Variants in MYCL observed in about 807,000 individuals in gnomAD.
MYCL encodes MYCL proto-oncogene, bHLH transcription factor.
Under a neutral mutation model 31.0 loss-of-function variants are expected in MYCL, and 11 were observed. The observed-to-expected ratio is 0.35, with a 90% CI of 0.22 to 0.59. The LOEUF is 0.59. Ranked by LOEUF, MYCL falls within the 20% of genes least tolerant of loss-of-function variation. The pLI, the probability that MYCL is intolerant of heterozygous loss-of-function variation, is 0.79. For synonymous variants in MYCL, 208 were observed against 202.4 expected (o/e 1.03, Z -0.23); for missense variants, 427 against 486.1 (o/e 0.88, Z 1.14).
In MYCL at chr1:39,897,365, T is replaced by A; in HGVS notation, c.*7A>T. On this transcript the variant is annotated 3_prime_UTR_variant, in exon 2 of 2. Coordinates refer to ENST00000372816, the MANE Select transcript of MYCL (RefSeq NM_001033081.3). The surrounding 1 kb of genome is among the most constrained non-coding windows in gnomAD (Gnocchi z 4.3). ...CGTAAGACAGAACTGTCAGGCTTTTTGGTCAGTTAGTAGCCAGTGAGGTAT... is the reference window on the plus strand; with the variant it reads ...CGTAAGACAGAACTGTCAGGCTTTTAGGTCAGTTAGTAGCCAGTGAGGTAT... 6.4e-7 allele frequency: 1 copy of A among 1,568,242 alleles called. No homozygotes were observed. Among genetic ancestry groups the A allele is most frequent in the Non-Finnish European group, 8.7e-7 (1 of 1,155,590 alleles).
rs1236361280 is a variant in MYCL at position 39,901,660 on chromosome 1, G to A, written c.-226C>T. On this transcript the variant is annotated 5_prime_UTR_variant, in exon 1 of 2. Coordinates refer to ENST00000372816, the MANE Select transcript of MYCL (RefSeq NM_001033081.3). The surrounding 1 kb of genome is among the most constrained non-coding windows in gnomAD (Gnocchi z 6.9). ...GCGCGGACCCGACTGTGGGCAGCGA[G>A]TTCAAAGCAAACTTTGCCAGCGCCG... 5.3e-6 allele frequency: 7 copies of A among 1,323,862 alleles called. No homozygotes were observed. The highest frequency in any genetic ancestry group is 6.7e-6 in the Non-Finnish European group (7 of 1,044,194). The allele number at this position is 1,323,862 out of a possible 1,614,324, so 82.0% of individuals were successfully genotyped here.
chr1:39,900,693 C>T (rs1359996438), intron 1 of MYCL: 1 of 1,394,306 alleles, frequency 7.2e-7, no homozygotes, highest in Non-Finnish European at 9.3e-7. Flanking sequence ...ACCTCAAATC[C>T]CTTGTCCCCT....
Position 39,901,704 on chromosome 1 carries a change from G to T in MYCL, c.-270C>A. 1 of 1,229,666 alleles carries T rather than the reference G, an allele frequency of 8.1e-7. No homozygotes were observed. The highest frequency in any genetic ancestry group is 4.4e-5 in the Admixed American group (1 of 22,736). The allele number at this position is 1,229,666 out of a possible 1,614,324, so 76.2% of individuals were successfully genotyped here. On this transcript the variant is annotated 5_prime_UTR_variant, in exon 1 of 2. In the 5' UTR this introduces an upstream ATG that the reference lacks. Coordinates refer to ENST00000372816, the MANE Select transcript of MYCL (RefSeq NM_001033081.3). This position sits in a 1 kb window ranked among gnomAD's most constrained non-coding sequence, Gnocchi z 6.9. ...AGCGCCGCCCGGAGCGCAGCTCCCA[G>T]GGCCCGGCGGGGCCGGGCGGGGGCG... is the stretch of plus-strand genomic sequence containing the variant.
chr1:39,901,426 G>A lies in MYCL; in HGVS notation c.9C>T (p.Tyr3=), dbSNP rs765968140. The change falls in exon 1 of 2, where the codon TAC becomes TAT. Residue 3 remains tyrosine, a synonymous_variant. Transcript: ENST00000372816. This position sits in a 1 kb window ranked among gnomAD's most constrained non-coding sequence, Gnocchi z 6.9. ...CGTAGAAATAGTGCTGGTACGAGTC[G>A]TAGTCCATGTCCGCTCCCTGCGGGA... MD[Y]DSYQHYFYDY... 3.2e-5 allele frequency: 52 copies of A among 1,611,750 alleles called. No individual in the cohort carries two copies. The South Asian group carries it at 5.1e-4, about 16-fold the overall frequency.
In MYCL at chr1:39,901,237, T is replaced by C; in HGVS notation, c.198A>G (p.Gly66=). The change falls in exon 1 of 2, where the codon GGA becomes GGG. Residue 66 remains glycine (G), a synonymous_variant. Coordinates refer to ENST00000372816, the MANE Select transcript of MYCL (RefSeq NM_001033081.3). The surrounding 1 kb of genome is among the most constrained non-coding windows in gnomAD (Gnocchi z 6.9). ...ATTCCGCTTCGTCTCCGGTGCACCC[T>C]CCGGGCCACGGCTCCGGGGGACCAA... The part of the protein sequence containing the change: ...PGIGPPEPWP[G]GCTGDEAESR... 4 of 1,609,774 alleles carry C rather than the reference T, an allele frequency of 2.5e-6. No individual in the cohort carries two copies. The highest frequency in any genetic ancestry group is 3.4e-6 in the Non-Finnish European group (4 of 1,178,354).
Position 39,901,105 on chromosome 1 carries a change from G to A in MYCL, c.330C>T (p.Ser110=), listed in dbSNP as rs1248798460. The A allele has an allele frequency of 6.3e-7, 1 of 1,592,382 alleles. No individual in the cohort carries two copies. The highest frequency in any genetic ancestry group is 8.5e-7 in the Non-Finnish European group (1 of 1,169,954). The change falls in exon 1 of 2, where the codon AGC becomes AGT. Residue 110 remains serine (S), a synonymous_variant. Transcript: ENST00000372816. This position sits in a 1 kb window ranked among gnomAD's most constrained non-coding sequence, Gnocchi z 6.9. ...SARERLERAV[S]DRLAPGAPRG... ...GGGGCGCGCCAGGAGCGAGCCGGTC[G>A]CTCACAGCTCTCTCCAGCCGTTCCC...
At position 39,901,303 on chromosome 1, in the gene MYCL, G is replaced by C. The variant is rs758007905; in HGVS notation, c.132C>G (p.Pro44=). The change falls in exon 1 of 2, where the codon CCC becomes CCG. Residue 44 remains proline (P), a synonymous_variant. Coordinates refer to ENST00000372816, the MANE Select transcript of MYCL (RefSeq NM_001033081.3). This position sits in a 1 kb window ranked among gnomAD's most constrained non-coding sequence, Gnocchi z 6.9. The part of the protein sequence containing the change: ...ELVPSPPTSP[P]WGLGPGAGDP... ...CCCCTGCGCCGGGACCCAAGCCCCA[G>C]GGCGGCGACGTGGGGGGCGATGGCA... 13 of 1,602,936 alleles carry C rather than the reference G, an allele frequency of 8.1e-6. No individual in the cohort carries two copies. Among genetic ancestry groups the C allele is most frequent in the Middle Eastern group, 1.7e-4 (1 of 6,052 alleles).
At chr1:39,898,162 G>A (rs1644501849) in intron 1 of MYCL, 192 bp from the exon 2 acceptor site, 1 of 752,586 alleles carries the variant, frequency 1.3e-6, no homozygotes, top group African/African-American at 1.7e-5. Flanking sequence ...AAGGAAAGGA[G>A]GGGACATTAG....
At chr1:39,900,715 AATC>A in intron 1 of MYCL, 1 of 1,393,942 alleles carries the variant, frequency 7.2e-7, no homozygotes, top group Non-Finnish European at 9.3e-7. Context: ...GGGCTCCAAT[AATC>A]ATCAAAGGGA....
chr1:39,897,595 C>T lies in MYCL; in HGVS notation c.872G>A (p.Arg291His), dbSNP rs748297163. The change falls in exon 2 of 2, where the codon CGC becomes CAC. Residue 291 changes from arginine (R) to histidine (H), a missense_variant. Physicochemically the swap from Arg to His is conservative, Grantham distance 29. Coordinates refer to ENST00000372816, the MANE Select transcript of MYCL (RefSeq NM_001033081.3). The surrounding 1 kb of genome is among the most constrained non-coding windows in gnomAD (Gnocchi z 4.3). ...CGAACGCAGGTCATTCCGCCTCTTG[C>T]GCTCCAGGAAGTTGTGATTCTTCCT... ...TKRKNHNFLERKRRNDLRSRF... is the reference protein window; with the variant it reads ...TKRKNHNFLEHKRRNDLRSRF... The T allele has an allele frequency of 1.2e-5, 19 of 1,614,104 alleles. No individual in the cohort carries two copies. The highest frequency in any genetic ancestry group is 2.2e-5 in the East Asian group (1 of 44,900).
At position 39,896,605 on chromosome 1, in the gene MYCL, G is replaced by C. The variant is rs939376785; in HGVS notation, c.*767C>G. 1.9e-5 allele frequency: 4 copies of C among 207,606 alleles called. No homozygotes were observed. Among genetic ancestry groups the C allele is most frequent in the Non-Finnish European group, 3.9e-5 (4 of 101,502 alleles). The allele number at this position is 207,606 out of a possible 1,614,324, so 12.9% of individuals were successfully genotyped here. ...CTGACCTGTGGGAAAGGGTGCTGTA[G>C]AGCCCATTGCATAACAAGGCATAAT... On this transcript the variant is annotated 3_prime_UTR_variant, in exon 2 of 2. Transcript: ENST00000372816.
chr1:39,900,642 C>G (rs555452165), intron 1 of MYCL: 3 of 1,305,876 alleles, frequency 2.3e-6, no homozygotes, highest in East Asian at 3.1e-5. Flanking sequence ...CAATCCCTTA[C>G]AGTCCAACCC....
chr1:39,896,073 A>C lies in MYCL; in HGVS notation c.*1299T>G, dbSNP rs1644480519. On this transcript the variant is annotated 3_prime_UTR_variant, in exon 2 of 2. Coordinates refer to ENST00000372816, the MANE Select transcript of MYCL (RefSeq NM_001033081.3). ...AGGTTGGGTGACTTTCCCAGACTAG[A>C]AGCTGCACGTGGATTCCACTTGGAG... 4.8e-6 allele frequency: 1 copy of C among 209,038 alleles called. No homozygotes were observed. The highest frequency in any genetic ancestry group is 9.7e-6 in the Non-Finnish European group (1 of 102,782). The allele number at this position is 209,038 out of a possible 1,614,324, so 12.9% of individuals were successfully genotyped here.
chr1:39,898,164 G>A, intron 1 of MYCL, 194 bp from the exon 2 acceptor site: 2 of 744,564 alleles, frequency 2.7e-6, no homozygotes, highest in Non-Finnish European at 4.2e-6. Flanking sequence ...GGAAAGGAGG[G>A]GACATTAGCA....
In MYCL at chr1:39,897,658, G is replaced by GGGT. The variant is rs751422918; in HGVS notation, c.806_808dup (p.His269dup). On this transcript the variant is annotated inframe_insertion, in exon 2 of 2. Coordinates refer to ENST00000372816, the MANE Select transcript of MYCL (RefSeq NM_001033081.3). The surrounding 1 kb of genome is among the most constrained non-coding windows in gnomAD (Gnocchi z 4.3). ...CTCAGTATCAGAACTGACAGGTTTGGGGTGGCAGGACTGGGCAGCCTCACT... is the reference window on the plus strand; with the variant it reads ...CTCAGTATCAGAACTGACAGGTTTGGGGTGGTGGCAGGACTGGGCAGCCTCACT... 2 of 1,614,074 alleles carry GGGT rather than the reference G, an allele frequency of 1.2e-6. No individual in the cohort carries two copies. The highest frequency in any genetic ancestry group is 8.5e-7 in the Non-Finnish European group (1 of 1,180,052).
intron 1 of MYCL, chr1:39,899,082 G>C: frequency 2.0e-6 from 2 of 985,402 alleles, no homozygotes; most frequent in Non-Finnish European, 1.2e-6. Flanking sequence ...TGACCATTCA[G>C]CCCTCCTGGC....
rs775863077 is a variant in MYCL, at chr1:39,897,424, C to T, written c.1043G>A (p.Arg348Gln). ...KRMATEKRQL[R>Q]CRQQQLQKRI... is the part of the protein sequence containing the mutation. The stretch of plus-strand genomic sequence containing the variant: ...TTTCTGCAACTGCTGCTGCCGGCAT[C>T]GGAGCTGTCTTTTCTCTGTAGCCAT... The change falls in exon 2 of 2, where the codon CGA becomes CAA. Residue 348 changes from arginine (R) to glutamine (Q), a missense_variant. Transcript: ENST00000372816. This position sits in a 1 kb window ranked among gnomAD's most constrained non-coding sequence, Gnocchi z 4.3. 6.2e-6 allele frequency: 10 copies of T among 1,611,608 alleles called. No individual in the cohort carries two copies. The highest frequency in any genetic ancestry group is 3.3e-5 in the Admixed American group (2 of 59,904).
intron 1 of MYCL, chr1:39,898,826 C>A: frequency 1.0e-6 from 1 of 985,472 alleles, no homozygotes; most frequent in Non-Finnish European, 1.2e-6. Flanking sequence ...CCTGGACACG[C>A]CCTTCTCATT....
Position 39,901,727 on chromosome 1 carries a change from G to A in MYCL, c.-293C>T, listed in dbSNP as rs1644542915. On this transcript the variant is annotated 5_prime_UTR_variant, in exon 1 of 2. Coordinates refer to ENST00000372816, the MANE Select transcript of MYCL (RefSeq NM_001033081.3). The surrounding 1 kb of genome is among the most constrained non-coding windows in gnomAD (Gnocchi z 6.9). Reference sequence around the variant, plus strand: ...CAGGGCCCGGCGGGGCCGGGCGGGGGCGCGCCGTGCCCAGAAGGCAGCCTG... The same window carrying A: ...CAGGGCCCGGCGGGGCCGGGCGGGGACGCGCCGTGCCCAGAAGGCAGCCTG... 4 of 1,212,426 alleles carry A rather than the reference G, an allele frequency of 3.3e-6. No homozygotes were observed. The East Asian group carries it at 1.5e-4, about 46-fold the overall frequency. The allele number at this position is 1,212,426 out of a possible 1,614,324, so 75.1% of individuals were successfully genotyped here.
Sources: gnomAD v4.1 joint callset for allele counts on GRCh38, gnomAD v4.1.1 for gene constraint, Gnocchi (gnomAD v3.1) non-coding constraint, MANE v1.5 for transcripts, NCBI Gene and HGNC (gene_info 2026-07-23, HGNC 2026-07-21) for gene names.